The following GALNTL6 variants were observed in gnomAD, a reference collection of about 807,000 sequenced individuals.
The protein encoded by GALNTL6 is polypeptide N-acetylgalactosaminyltransferase like 6.
In GALNTL6, 46 loss-of-function variants were observed where a neutral mutation model predicts 73.7. That is an observed-to-expected ratio of 0.62 (90% CI 0.49 to 0.80). The LOEUF is 0.80. GALNTL6 is among the 30% of genes least tolerant of loss of function. The pLI is 0.00. For missense variants in GALNTL6, 604 were observed against 755.0 expected (o/e 0.80, Z 2.34); for synonymous variants, 259 against 263.7 (o/e 0.98, Z 0.17).
chr4:171,988,225 T>A (rs1740175119), intron 2 of GALNTL6, among the ~76,000 whole-genome samples: 1 of 152,112 alleles, frequency 6.6e-6, no homozygotes, highest in African/African-American at 2.4e-5. Context: ...GCACTAAGCA[T>A]GCCTAGGAAG....
At chr4:172,456,136 CAGAA>C (rs1732390125) in intron 5 of GALNTL6, among the ~76,000 whole-genome samples, 1 of 152,036 alleles carries the variant, frequency 6.6e-6, no homozygotes, top group Non-Finnish European at 1.5e-5. Context: ...AACTAACAAA[CAGAA>C]AGGAATAGCA....
At position 172,348,423 on chromosome 4, in the gene GALNTL6, G is replaced by A. The variant is rs956753442; in HGVS notation, c.387-100G>A. On this transcript the variant is annotated intron_variant, in intron 4 of 12. Transcript: ENST00000506823. ...TGGTTGGAAAGTATTAGACTAAGTC[G>A]TGTTTCCACAGTTGTCTGATAACAT... 5.9e-5 allele frequency: 54 copies of A among 918,380 alleles called. No homozygotes were observed. The African/African-American group carries it at 6.6e-4, about 11-fold the overall frequency. 56.9% of individuals were successfully genotyped at this position (918,380 alleles called of 1,614,324 possible).
intron 5 of GALNTL6, among the ~76,000 whole-genome samples, chr4:172,627,564 G>A (rs1462931821): frequency 6.6e-6 from 1 of 151,708 alleles, no homozygotes; most frequent in African/African-American, 2.4e-5. Flanking sequence ...AGTTTCAGTG[G>A]AATTCGTATC....
Position 172,069,563 on chromosome 4 carries a change from TAA to T in GALNTL6, c.139-160092_139-160091del, listed in dbSNP as rs1560909626. Among the ~76,000 whole-genome samples, 4 of 81,096 alleles carry T rather than the reference TAA, an allele frequency of 4.9e-5. 2 individuals carry two copies. The highest frequency in any genetic ancestry group is 1.8e-4 in the African/African-American group (4 of 22,386). 53.2% of individuals were successfully genotyped at this position (81,096 alleles called of 152,430 possible). A position where few individuals can be genotyped will look rare whatever the true frequency, so the allele number is the denominator to read the frequency against. ...ATATATAACACATATATGTTATATA[TAA>T]CACATATATGTTATATATTATATAT... On this transcript the variant is annotated intron_variant, in intron 2 of 12. Transcript: ENST00000506823.
At chr4:172,777,948 A>G (rs970742123) in intron 5 of GALNTL6, among the ~76,000 whole-genome samples, 1 of 152,186 alleles carries the variant, frequency 6.6e-6, no homozygotes, top group South Asian at 2.1e-4. Context: ...TCTATTTCCT[A>G]GGTTGTGGCA....
intron 2 of GALNTL6, among the ~76,000 whole-genome samples, chr4:172,110,450 T>A (rs1560927350): frequency 6.6e-6 from 1 of 152,196 alleles, no homozygotes; most frequent in Non-Finnish European, 1.5e-5. Context: ...AATAGTACTT[T>A]CACAATATTT....
intron 2 of GALNTL6, among the ~76,000 whole-genome samples, chr4:172,197,021 A>T (rs1029857739): frequency 6.6e-6 from 1 of 152,170 alleles, no homozygotes; most frequent in African/African-American, 2.4e-5. Flanking sequence ...ATATGACATG[A>T]TTCTATATCT....
intron 5 of GALNTL6, among the ~76,000 whole-genome samples, chr4:172,400,045 C>T (rs949943488): frequency 6.6e-6 from 1 of 152,190 alleles, no homozygotes; most frequent in South Asian, 2.1e-4. Context: ...AGCCAAAACA[C>T]CCTTACACCA....
At chr4:171,875,594 C>T (rs1736255342) in intron 2 of GALNTL6, among the ~76,000 whole-genome samples, 2 of 151,982 alleles carry the variant, frequency 1.3e-5, no homozygotes, top group Admixed American at 1.3e-4. Context: ...TAAATCTGTG[C>T]TTATTGTTCT....
intron 9 of GALNTL6, among the ~76,000 whole-genome samples, chr4:172,946,573 G>A (rs1370080370): frequency 3.9e-5 from 6 of 152,130 alleles, no homozygotes; most frequent in Non-Finnish European, 8.8e-5. Flanking sequence ...TCAATTCAAA[G>A]ACCTGACGTG....
At chr4:172,959,355 G>A (rs959308046) in intron 10 of GALNTL6, among the ~76,000 whole-genome samples, 4 of 152,078 alleles carry the variant, frequency 2.6e-5, no homozygotes, top group Admixed American at 6.5e-5. Context: ...TAAGGGAGCT[G>A]GGCAGGTGGG....
At chr4:172,462,388 T>C (rs1732650204) in intron 5 of GALNTL6, among the ~76,000 whole-genome samples, 1 of 152,150 alleles carries the variant, frequency 6.6e-6, no homozygotes, top group African/African-American at 2.4e-5. Flanking sequence ...ATATAAAAAG[T>C]GTGCTTACCT....
At chr4:172,251,183 A>T (rs1374138181) in intron 3 of GALNTL6, among the ~76,000 whole-genome samples, 1 of 152,144 alleles carries the variant, frequency 6.6e-6, no homozygotes, top group Non-Finnish European at 1.5e-5. Context: ...GGGAAGAGTT[A>T]CAGCTTGAGT....
intron 5 of GALNTL6, among the ~76,000 whole-genome samples, chr4:172,464,020 C>G (rs6816068): frequency 1.3e-5 from 2 of 151,900 alleles, no homozygotes; most frequent in Non-Finnish European, 2.9e-5. Context: ...CTTTTCTGTC[C>G]AGGTTGAGTG....
chr4:172,982,816 G>T (rs1751127966), intron 10 of GALNTL6, among the ~76,000 whole-genome samples: 1 of 152,060 alleles, frequency 6.6e-6, no homozygotes, highest in East Asian at 1.9e-4. Flanking sequence ...TCTGAGATGA[G>T]ATCATCCTAG....
At chr4:171,951,258 C>T (rs1738868325) in intron 2 of GALNTL6, among the ~76,000 whole-genome samples, 1 of 151,734 alleles carries the variant, frequency 6.6e-6, no homozygotes, top group African/African-American at 2.4e-5. Context: ...GACATTGGGG[C>T]AAAAAGTATT....
At chr4:172,329,390 T>C (rs563787888) in intron 4 of GALNTL6, among the ~76,000 whole-genome samples, 1 of 152,238 alleles carries the variant, frequency 6.6e-6, no homozygotes, top group African/African-American at 2.4e-5. Context: ...CATTTTTCCA[T>C]AGGGCTGCTG....
At chr4:172,885,814 C>T (rs1465222122) in intron 8 of GALNTL6, among the ~76,000 whole-genome samples, 1 of 152,124 alleles carries the variant, frequency 6.6e-6, no homozygotes, top group African/African-American at 2.4e-5. Context: ...TCAAAATGAT[C>T]CTATGCTTTT....
chr4:172,654,709 T>C (rs185146513), intron 5 of GALNTL6, among the ~76,000 whole-genome samples: 34 of 152,324 alleles, frequency 2.2e-4, no homozygotes, highest in Non-Finnish European at 2.6e-4. Flanking sequence ...AATGCTGTCA[T>C]TTACTTAAGA....
Sources: allele counts gnomAD v4.1 joint callset (sites outside exome capture counted in the v4.1 genomes callset), GRCh38; gene constraint gnomAD v4.1.1; transcripts MANE v1.5; gene names NCBI Gene and HGNC (gene_info 2026-07-23, HGNC 2026-07-21).